The following REDIC1 variants were observed in gnomAD, a reference collection of about 807,000 sequenced individuals.
The protein encoded by REDIC1 is regulator of DNA class I crossover intermediates 1.
the REDIC1 span, among the ~76,000 whole-genome samples, chr12:39,843,424 C>T: frequency 6.6e-6 from 1 of 151,824 alleles, no homozygotes; most frequent in Non-Finnish European, 1.5e-5. Context: ...TTTTATATGG[C>T]CTTTTGCAGA....
the REDIC1 span, among the ~76,000 whole-genome samples, chr12:39,628,227 C>A: frequency 0.88 from 133,907 of 152,196 alleles, 59,190 homozygotes; most frequent in African/African-American, 0.92. Context: ...TGTTCAGATA[C>A]ACTGCAATTT....
At chr12:39,802,973 G>A in the REDIC1 span, among the ~76,000 whole-genome samples, 6 of 152,106 alleles carry the variant, frequency 3.9e-5, no homozygotes, top group Non-Finnish European at 8.8e-5. Context: ...TAATGACATT[G>A]GAAAAGAGGC....
the REDIC1 span, among the ~76,000 whole-genome samples, chr12:39,707,279 C>T: frequency 1.3e-5 from 2 of 151,830 alleles, no homozygotes; most frequent in African/African-American, 4.8e-5. Flanking sequence ...CACTGATCAT[C>T]AAAGAAATGC....
chr12:39,771,180 G>A, the REDIC1 span, among the ~76,000 whole-genome samples: 6 of 152,252 alleles, frequency 3.9e-5, no homozygotes, highest in East Asian at 5.8e-4. Flanking sequence ...CTGCGGGAGA[G>A]AGACTCTAGA....
chr12:39,833,852 C>A, the REDIC1 span, among the ~76,000 whole-genome samples: 1 of 150,598 alleles, frequency 6.6e-6, no homozygotes, highest in Non-Finnish European at 1.5e-5. Flanking sequence ...GGAGCTCACA[C>A]CCTAATCTTT....
chr12:39,871,916 A>G, the REDIC1 span: 4 of 1,610,588 alleles, frequency 2.5e-6, no homozygotes, highest in Admixed American at 1.7e-5. Context: ...TTGCAAGTCT[A>G]TCATCTTCAA....
the REDIC1 span, among the ~76,000 whole-genome samples, chr12:39,781,120 A>G: frequency 2.0e-5 from 3 of 152,200 alleles, no homozygotes; most frequent in East Asian, 1.9e-4. Context: ...CCTGATTTGT[A>G]TAGAAAGTTC....
chr12:39,750,421 C>T, the REDIC1 span, among the ~76,000 whole-genome samples: 1 of 152,144 alleles, frequency 6.6e-6, no homozygotes, highest in Non-Finnish European at 1.5e-5. Context: ...AGGACACAAA[C>T]AAATGGAAAA....
the REDIC1 span, among the ~76,000 whole-genome samples, chr12:39,787,758 T>C: frequency 1.3e-5 from 2 of 152,252 alleles, no homozygotes; most frequent in East Asian, 1.9e-4. Context: ...ATAAATGACA[T>C]GATGTTAGGT....
chr12:39,716,716 C>A, the REDIC1 span: 2 of 1,422,524 alleles, frequency 1.4e-6, no homozygotes, highest in East Asian at 2.4e-5. Context: ...GTAGATTATT[C>A]ATAAATACCA....
the REDIC1 span, among the ~76,000 whole-genome samples, chr12:39,798,335 A>C: frequency 4.6e-5 from 7 of 152,210 alleles, no homozygotes; most frequent in Admixed American, 4.6e-4. Flanking sequence ...AGTGAGACAT[A>C]AATGTTCATT....
chr12:39,838,119 A>G, the REDIC1 span, among the ~76,000 whole-genome samples: 3 of 148,312 alleles, frequency 2.0e-5, no homozygotes, highest in Non-Finnish European at 4.5e-5. Context: ...AGACTGGATT[A>G]AGAAAATGTG....
At chr12:39,824,619 T>C in the REDIC1 span, among the ~76,000 whole-genome samples, 108,059 of 152,028 alleles carry the variant, frequency 0.71, 39,361 homozygotes, top group African/African-American at 0.87. Context: ...CCTGGAAATC[T>C]CCAGGCCAGG....
At chr12:39,776,301 C>T in the REDIC1 span, among the ~76,000 whole-genome samples, 9 of 152,050 alleles carry the variant, frequency 5.9e-5, no homozygotes, top group African/African-American at 2.2e-4. Context: ...AGCTGTGGGG[C>T]CCACCTCTGC....
At chr12:39,715,418 A>G in the REDIC1 span, among the ~76,000 whole-genome samples, 5 of 151,888 alleles carry the variant, frequency 3.3e-5, no homozygotes, top group African/African-American at 9.7e-5. Context: ...CCATTGGTCT[A>G]TGTGCCTATT....
the REDIC1 span, among the ~76,000 whole-genome samples, chr12:39,856,003 G>T: frequency 1.3e-5 from 2 of 152,170 alleles, no homozygotes; most frequent in African/African-American, 4.8e-5. Context: ...GGGTCTACTA[G>T]CATGCCCATA....
the REDIC1 span, among the ~76,000 whole-genome samples, chr12:39,894,017 C>T: frequency 6.6e-6 from 1 of 152,208 alleles, no homozygotes; most frequent in African/African-American, 2.4e-5. Flanking sequence ...GACAATATAC[C>T]TTTAAATGTG....
At chr12:39,793,552 A>G in the REDIC1 span, among the ~76,000 whole-genome samples, 1 of 152,156 alleles carries the variant, frequency 6.6e-6, no homozygotes, top group Non-Finnish European at 1.5e-5. Flanking sequence ...AGTACTTGGA[A>G]ATGACTTCTG....
chr12:39,887,700 T>C, the REDIC1 span, among the ~76,000 whole-genome samples: 1 of 152,238 alleles, frequency 6.6e-6, no homozygotes, highest in South Asian at 2.1e-4. Flanking sequence ...TAGCCTATCA[T>C]TCTGTTGTGA....
Sources: allele counts gnomAD v4.1 joint callset (sites outside exome capture counted in the v4.1 genomes callset), GRCh38; gene constraint gnomAD v4.1.1; transcripts MANE v1.5; gene names NCBI Gene and HGNC (gene_info 2026-07-23, HGNC 2026-07-21).